The following SEC22C variants were observed in gnomAD, a reference collection of about 807,000 sequenced individuals.
The protein encoded by SEC22C is vesicle-trafficking protein SEC22c.
Under a neutral mutation model 34.7 loss-of-function variants are expected in SEC22C, and 29 were observed. The ratio of observed to expected loss-of-function variants is 0.84; its 90% confidence interval spans 0.62 to 1.14. The LOEUF is 1.14. SEC22C is among the 50% of genes most tolerant of loss of function. SEC22C has a pLI of 0.00. For missense variants in SEC22C, 337 were observed against 369.0 expected, an observed-to-expected ratio of 0.91 and a Z score of 0.71; for synonymous variants, 117 against 132.8, an observed-to-expected ratio of 0.88 and a Z score of 0.82.
intron 5 of SEC22C, 36 bp downstream of exon 5, chr3:42,557,542 C>T: frequency 1.0e-6 from 1 of 982,970 alleles, no homozygotes. Context: ...ATATGTCCTT[C>T]AATTTAAACT....
rs541740642 is a variant in SEC22C, at chr3:42,569,997, A to T, written c.-27-924T>A. Among the ~76,000 whole-genome samples, 4 of 152,328 alleles carry T rather than the reference A, an allele frequency of 2.6e-5. No individual in the cohort carries two copies. In the Middle Eastern group the frequency reaches 0.01, roughly 389 times the overall value. On this transcript the variant is annotated intron_variant, in intron 1 of 6. Coordinates refer to ENST00000264454, the MANE Select transcript of SEC22C (RefSeq NM_032970.4). ...TAGTGAGGTGGCTATTACAGCTCAG[A>T]TAAGTCTTTCCAATAGGATGTGTCC...
At chr3:42,564,417 G>GT (rs1383146251) in intron 2 of SEC22C, 1 of 152,900 alleles carries the variant, frequency 6.5e-6, no homozygotes, top group Non-Finnish European at 1.5e-5. Flanking sequence ...ACTTTTTTTT[G>GT]TAAGAATCCC....
intron 1 of SEC22C, among the ~76,000 whole-genome samples, chr3:42,578,348 TA>T (rs1254298488): frequency 1.6e-4 from 25 of 152,188 alleles, no homozygotes; most frequent in Non-Finnish European, 4.4e-5. Flanking sequence ...TCCTTTTACG[TA>T]ACATTCTTGA....
At chr3:42,596,180 C>G (rs1705024029) in intron 1 of SEC22C, among the ~76,000 whole-genome samples, 1 of 152,010 alleles carries the variant, frequency 6.6e-6, no homozygotes, top group Non-Finnish European at 1.5e-5. Flanking sequence ...TGGCACCATG[C>G]CTGGCTAATT....
At chr3:42,587,284 T>G (rs1704643800) in intron 1 of SEC22C, 1 of 152,286 alleles carries the variant, frequency 6.6e-6, no homozygotes, top group Admixed American at 6.5e-5. Context: ...GTGTCCTGCT[T>G]AACCTCCACT....
At position 42,553,396 on chromosome 3, in the gene SEC22C, A is replaced by G. The variant is rs777921670; in HGVS notation, c.764T>C (p.Met255Thr). 5 of 1,614,192 alleles carry G rather than the reference A, an allele frequency of 3.1e-6. No homozygotes were observed. Among genetic ancestry groups the G allele is most frequent in the Non-Finnish European group, 2.5e-6 (3 of 1,180,028 alleles). The change falls in exon 7 of 7, where the codon ATG (methionine) becomes ACG (threonine). Residue 255 changes from methionine to threonine, a missense_variant. By Grantham distance (81) the Met-to-Thr change is moderately conservative. Transcript: ENST00000264454. ...SPARTMKVVLMLLFICLGNMY... is the reference protein window; with the variant it reads ...SPARTMKVVLTLLFICLGNMY... ...GTTGCCCAGGCAAATAAAGAGCAGCATAAGCACCACCTTCATAGTCCTGGC... is the reference window on the plus strand; with the variant it reads ...GTTGCCCAGGCAAATAAAGAGCAGCGTAAGCACCACCTTCATAGTCCTGGC...
At chr3:42,593,408 C>T (rs1704924437) in intron 1 of SEC22C, among the ~76,000 whole-genome samples, 1 of 152,166 alleles carries the variant, frequency 6.6e-6, no homozygotes, top group African/African-American at 2.4e-5. Flanking sequence ...CAGAGCAAGA[C>T]TCCGTCTCAA....
chr3:42,590,766 C>A, intron 1 of SEC22C: 1 of 926,332 alleles, frequency 1.1e-6, no homozygotes, highest in Non-Finnish European at 1.8e-6. Context: ...AGCTCTTGCG[C>A]GTCCAGTCAC....
At chr3:42,566,284 C>T (rs1176113787) in intron 2 of SEC22C, among the ~76,000 whole-genome samples, 2 of 152,294 alleles carry the variant, frequency 1.3e-5, no homozygotes, top group South Asian at 2.1e-4. Flanking sequence ...CTGACATTAC[C>T]ACCTAGCCTG....
At chr3:42,586,949 C>T (rs930646063), upstream of SEC22C, among the ~76,000 whole-genome samples, 1 of 152,208 alleles carries the variant, frequency 6.6e-6, no homozygotes, top group Non-Finnish European at 1.5e-5. Context: ...TCACCAGTTT[C>T]TCAGTTGCTT....
chr3:42,555,173 G>A (rs1184943039), intron 6 of SEC22C, among the ~76,000 whole-genome samples: 3 of 151,810 alleles, frequency 2.0e-5, no homozygotes, highest in African/African-American at 7.3e-5. Context: ...GTGAAACCCC[G>A]TCTCTACTAA....
intron 1 of SEC22C, among the ~76,000 whole-genome samples, chr3:42,575,697 T>G (rs572172463): frequency 6.6e-6 from 1 of 152,252 alleles, no homozygotes; most frequent in South Asian, 2.1e-4. Context: ...CAACTGCACC[T>G]CAAAAATTGA....
chr3:42,588,073 AAAAAAC>A (rs1452133925), intron 1 of SEC22C, among the ~76,000 whole-genome samples: 2 of 151,650 alleles, frequency 1.3e-5, no homozygotes, highest in South Asian at 2.1e-4. Context: ...AACTGTCTCA[AAAAAAC>A]AAAAACAAAA....
chr3:42,580,959 T>C (rs538371600), intron 1 of SEC22C, among the ~76,000 whole-genome samples: 2 of 152,340 alleles, frequency 1.3e-5, no homozygotes, highest in South Asian at 4.1e-4. Flanking sequence ...ACTTTTTGAA[T>C]TTAGTTGATT....
upstream of SEC22C, among the ~76,000 whole-genome samples, chr3:42,585,602 T>C (rs1704584315): frequency 6.6e-6 from 1 of 152,106 alleles, no homozygotes; most frequent in African/African-American, 2.4e-5. Flanking sequence ...CAGCTGAGAG[T>C]TCAGGGTTTA....
rs550436566 is a variant in SEC22C at position 42,560,988 on chromosome 3, A to G, written c.526+129T>C. On this transcript the variant is annotated intron_variant, in intron 4 of 6. Coordinates refer to ENST00000264454, the MANE Select transcript of SEC22C (RefSeq NM_032970.4). ...CCACCAAGAAACAGGATGGGCCCATATTTTTCTCAGCATATTTTATACTAC... is the reference window on the plus strand; with the variant it reads ...CCACCAAGAAACAGGATGGGCCCATGTTTTTCTCAGCATATTTTATACTAC... The G allele has an allele frequency of 1.7e-4, 157 of 905,526 alleles. No individual in the cohort carries two copies. In the East Asian group the frequency reaches 4.0e-3, roughly 23 times the overall value. The allele number at this position is 905,526 out of a possible 1,614,324, so 56.1% of individuals were successfully genotyped here.
chr3:42,573,807 G>A (rs1223842372), intron 1 of SEC22C, among the ~76,000 whole-genome samples: 2 of 152,204 alleles, frequency 1.3e-5, no homozygotes, highest in African/African-American at 2.4e-5. Context: ...TGAACAATAT[G>A]AGAGGAACTA....
intron 1 of SEC22C, chr3:42,590,682 G>A: frequency 1.6e-6 from 1 of 612,944 alleles, no homozygotes; most frequent in Non-Finnish European, 2.9e-6. Flanking sequence ...TCGCTCTCCA[G>A]ACTGCGCAAG....
chr3:42,556,208 G>A (rs1305573413), intron 5 of SEC22C, among the ~76,000 whole-genome samples: 1 of 152,210 alleles, frequency 6.6e-6, no homozygotes, highest in Non-Finnish European at 1.5e-5. Flanking sequence ...CTGTCCCCAT[G>A]TGACTGTGCT....
Sources: allele counts gnomAD v4.1 joint callset (sites outside exome capture counted in the v4.1 genomes callset), GRCh38; gene constraint gnomAD v4.1.1; transcripts MANE v1.5; gene names NCBI Gene and HGNC (gene_info 2026-07-23, HGNC 2026-07-21).